The following DAG1 variants were observed in gnomAD, a reference collection of about 807,000 sequenced individuals.
DAG1 encodes the protein dystroglycan 1.
A neutral mutation model predicts 46.1 loss-of-function variants in DAG1; 8 were observed. The ratio of observed to expected loss-of-function variants is 0.17; its 90% CI spans 0.10 to 0.31. DAG1 has a LOEUF of 0.31. Ranked by LOEUF, DAG1 falls within the 10% of genes least tolerant of loss-of-function variation. The pLI, the probability that DAG1 is intolerant of heterozygous loss-of-function variation, is 1.00. For missense variants in DAG1, 1,003 were observed against 1,189.9 expected (o/e 0.84, Z 2.31); for synonymous variants, 495 against 481.8 (o/e 1.03, Z -0.36).
At chr3:49,471,346 A>G (rs912369005) in intron 1 of DAG1, among the ~76,000 whole-genome samples, 2 of 152,196 alleles carry the variant, frequency 1.3e-5, no homozygotes, top group African/African-American at 4.8e-5. Flanking sequence ...AAAGAGCTGG[A>G]TGTGCTTTCA....
chr3:49,530,801 C>T lies in DAG1; in HGVS notation c.290C>T (p.Ser97Leu). The T allele has an allele frequency of 2.5e-6, 4 of 1,614,210 alleles. No individual in the cohort carries two copies. The highest frequency in any genetic ancestry group is 3.4e-6 in the Non-Finnish European group (4 of 1,180,040). The change falls in exon 3 of 3, where the codon TCA (serine) becomes TTA (leucine). Residue 97 changes from serine to leucine, a missense_variant. By Grantham distance (145) the Ser-to-Leu change is moderately radical. Coordinates refer to ENST00000308775, the MANE Select transcript of DAG1 (RefSeq NM_004393.6). ...TTATGCTTGTGTCTCTTCTAGGTAT[C>T]AGCGGCAGGGAAGGAGGCTTTGCCA... ...IASSGDIIKV[S>L]AAGKEALPSW... is the part of the protein sequence containing the mutation.
At chr3:49,522,838 C>T (rs2051071478) in intron 2 of DAG1, among the ~76,000 whole-genome samples, 1 of 152,178 alleles carries the variant, frequency 6.6e-6, no homozygotes. Context: ...CCTGTGATCT[C>T]CTTAAATCAG....
Position 49,535,147 on chromosome 3 carries a change from G to T in DAG1, c.*1948G>T, listed in dbSNP as rs551879495. On this transcript the variant is annotated 3_prime_UTR_variant, in exon 3 of 3. Coordinates refer to ENST00000308775, the MANE Select transcript of DAG1 (RefSeq NM_004393.6). ...GTGGACCACTGGTGACTGGGCTCATGCCTCCAAGTCAGAGTTTCCCTGGTG... is the reference window on the plus strand; with the variant it reads ...GTGGACCACTGGTGACTGGGCTCATTCCTCCAAGTCAGAGTTTCCCTGGTG... 1 of 152,274 alleles carries T rather than the reference G, an allele frequency of 6.6e-6. No homozygotes were observed. The highest frequency in any genetic ancestry group is 1.5e-5 in the Non-Finnish European group (1 of 68,070). The allele number at this position is 152,274 out of a possible 1,614,324, so 9.4% of individuals were successfully genotyped here. A position where few individuals can be genotyped will look rare whatever the true frequency, so the allele number is the denominator to read the frequency against.
At chr3:49,517,720 G>A (rs1487679995) in intron 2 of DAG1, among the ~76,000 whole-genome samples, 1 of 152,250 alleles carries the variant, frequency 6.6e-6, no homozygotes, top group Non-Finnish European at 1.5e-5. Context: ...GAGAGTCTGA[G>A]TGAAAGGTGA....
At chr3:49,530,618 A>G (rs1271898763) in intron 2 of DAG1, among the ~76,000 whole-genome samples, 179 bp from the exon 3 acceptor site, 1 of 152,166 alleles carries the variant, frequency 6.6e-6, no homozygotes, top group Non-Finnish European at 1.5e-5. Context: ...TCATAGCCCT[A>G]GTCTTGTGAC....
At chr3:49,524,640 C>G (rs1385194683) in intron 2 of DAG1, among the ~76,000 whole-genome samples, 1 of 151,414 alleles carries the variant, frequency 6.6e-6, no homozygotes, top group African/African-American at 2.4e-5. Flanking sequence ...GTGATTGCAC[C>G]ACTGCACTCC....
chr3:49,493,341 G>T (rs2050236576), intron 1 of DAG1, among the ~76,000 whole-genome samples: 1 of 152,102 alleles, frequency 6.6e-6, no homozygotes, highest in Non-Finnish European at 1.5e-5. Flanking sequence ...ACTGTGCCTT[G>T]CCTGCTTTTC....
intron 1 of DAG1, among the ~76,000 whole-genome samples, chr3:49,491,608 C>G (rs1218968303): frequency 1.3e-5 from 2 of 151,876 alleles, no homozygotes; most frequent in Non-Finnish European, 2.9e-5. Flanking sequence ...TCCCAAGTAG[C>G]TGGGACTGCA....
chr3:49,534,948 A>AG lies in DAG1; in HGVS notation c.*1751dup, dbSNP rs1435754906. 5 of 152,502 alleles carry AG rather than the reference A, an allele frequency of 3.3e-5. No homozygotes were observed. Among genetic ancestry groups the AG allele is most frequent in the Non-Finnish European group, 7.3e-5 (5 of 68,158 alleles). The allele number at this position is 152,502 out of a possible 1,614,324, so 9.4% of individuals were successfully genotyped here. ...GCAGAGGATTTGTGTGTGCTGCCTC[A>AG]GGAGGGGAGGGCTGGTAGGAGGGGG... On this transcript the variant is annotated 3_prime_UTR_variant, in exon 3 of 3. Transcript: ENST00000308775.
In DAG1 at chr3:49,532,529, A is replaced by C. The variant is rs1433049354; in HGVS notation, c.2018A>C (p.Gln673Pro). 1.2e-6 allele frequency: 2 copies of C among 1,614,080 alleles called. No individual in the cohort carries two copies. The highest frequency in any genetic ancestry group is 3.3e-5 in the Admixed American group (2 of 60,034). The change falls in exon 3 of 3, where the codon CAG becomes CCG. Residue 673 changes from glutamine to proline, a missense_variant. By Grantham distance (76) the Gln-to-Pro change is moderately conservative. Around this residue, in one of 3 missense-constraint regions of DAG1, gnomAD observed 755 missense variants for 854.1 expected, o/e 0.88. Coordinates refer to ENST00000308775, the MANE Select transcript of DAG1 (RefSeq NM_004393.6). The surrounding 1 kb of genome is among the most constrained non-coding windows in gnomAD (Gnocchi z 5.4). ...CCCTTGGAGCCCTGCCCCAAGGAGC[A>C]GATCGCTGGGCTGAGCCGCCGGATC... The part of the protein sequence containing the change: ...TLPLEPCPKE[Q>P]IAGLSRRIAE...
At chr3:49,497,682 C>CCGTT (rs1355784322) in intron 1 of DAG1, among the ~76,000 whole-genome samples, 1 of 151,902 alleles carries the variant, frequency 6.6e-6, no homozygotes, top group Non-Finnish European at 1.5e-5. Context: ...AAAACTTAAC[C>CCGTT]ATCTTCAAAG....
In DAG1 at chr3:49,532,296, C is replaced by T. The variant is rs762148188; in HGVS notation, c.1785C>T (p.Val595=). The part of the protein sequence containing the change: ...LSAVDAFEIH[V]HRRPQGDRAP... ...CTGTGGATGCCTTCGAGATCCACGT[C>T]CACAGGCGCCCCCAAGGGGATAGGG... Residue 595 remains valine (V), a synonymous_variant, in exon 3 of 3, where the codon GTC becomes GTT. Transcript: ENST00000308775. The surrounding 1 kb of genome is among the most constrained non-coding windows in gnomAD (Gnocchi z 5.4). 1.2e-6 allele frequency: 2 copies of T among 1,614,040 alleles called. No individual in the cohort carries two copies. The highest frequency in any genetic ancestry group is 1.3e-5 in the African/African-American group (1 of 74,938).
intron 1 of DAG1, among the ~76,000 whole-genome samples, chr3:49,480,139 A>C (rs1205084062): frequency 8.9e-6 from 1 of 111,878 alleles, no homozygotes; most frequent in Non-Finnish European, 1.8e-5. Flanking sequence ...TTTTTAGTAG[A>C]GGCTGGGTTT....
chr3:49,518,899 G>C (rs1362664471), intron 2 of DAG1, among the ~76,000 whole-genome samples: 4 of 152,228 alleles, frequency 2.6e-5, no homozygotes, highest in African/African-American at 7.2e-5. Flanking sequence ...AAAGCAGATA[G>C]TCTTGATGTT....
At chr3:49,514,778 A>G (rs902979027) in intron 2 of DAG1, among the ~76,000 whole-genome samples, 2 of 151,784 alleles carry the variant, frequency 1.3e-5, no homozygotes, top group Admixed American at 1.3e-4. Context: ...AGCTGGGACT[A>G]TAGGCTTGAA....
chr3:49,497,364 G>C (rs1174255454), intron 1 of DAG1, among the ~76,000 whole-genome samples: 3 of 151,048 alleles, frequency 2.0e-5, no homozygotes, highest in Non-Finnish European at 2.9e-5. Flanking sequence ...TTGAACCCAG[G>C]AGGCGGAGGT....
chr3:49,528,485 A>G (rs886328605), intron 2 of DAG1, among the ~76,000 whole-genome samples: 2 of 151,768 alleles, frequency 1.3e-5, no homozygotes, highest in Non-Finnish European at 2.9e-5. Flanking sequence ...GGATTTTGCC[A>G]TGTTGGCCAG....
At chr3:49,526,322 G>A (rs2051170398) in intron 2 of DAG1, among the ~76,000 whole-genome samples, 1 of 152,204 alleles carries the variant, frequency 6.6e-6, no homozygotes, top group South Asian at 2.1e-4. Flanking sequence ...CAGTGACACA[G>A]ATGTGAACCA....
chr3:49,470,000 T>G (rs1418640284), upstream of DAG1: 1 of 151,878 alleles, frequency 6.6e-6, no homozygotes, highest in Non-Finnish European at 1.5e-5. Flanking sequence ...CGGACTTCCC[T>G]GGCCGTGGGG....
Sources: gnomAD v4.1 joint callset for allele counts (sites outside exome capture counted in the v4.1 genomes callset) on GRCh38, gnomAD v4.1.1 for gene constraint, gnomAD v4.1.1 regional missense constraint, Gnocchi (gnomAD v3.1) non-coding constraint, MANE v1.5 for transcripts, NCBI Gene and HGNC (gene_info 2026-07-23, HGNC 2026-07-21) for gene names.